Variants in VWA8 observed in about 807,000 individuals in gnomAD.
VWA8 encodes the protein von Willebrand factor A domain-containing protein 8.
In VWA8, 221 loss-of-function variants were observed where a neutral mutation model predicts 241.5. That is an observed-to-expected ratio of 0.91 (90% CI 0.82 to 1.02). VWA8 has a LOEUF of 1.02. Among genes scored for constraint, VWA8 ranks in the 50% least tolerant of loss-of-function variants. The pLI is 0.00. For missense variants in VWA8, 2,322 were observed against 2,328.7 expected, an observed-to-expected ratio of 1.00 and a Z score of 0.06; for synonymous variants, 852 against 827.1, an observed-to-expected ratio of 1.03 and a Z score of -0.52.
chr13:41,840,650 T>A (rs1020527359), intron 12 of VWA8, among the ~76,000 whole-genome samples: 1 of 151,732 alleles, frequency 6.6e-6, no homozygotes, highest in Non-Finnish European at 1.5e-5. Flanking sequence ...TCCCAGCTAC[T>A]TGGGGAGCTG....
rs186575162 is a variant in VWA8 at position 41,675,576 on chromosome 13, T to A, written c.4328-280A>T. Among the ~76,000 whole-genome samples the A allele has an allele frequency of 1.2e-3, 188 of 152,220 alleles. 1 individual carries two copies. The highest frequency in any genetic ancestry group is 4.1e-3 in the African/African-American group (171 of 41,518). ...AATGTTTTTGCATTTACAGTTTTTT[T>A]AAAAAATATTTCATCATCTGAACTG... On this transcript the variant is annotated intron_variant, in intron 35 of 44. Coordinates refer to ENST00000379310, the MANE Select transcript of VWA8 (RefSeq NM_015058.2).
At chr13:41,667,525 G>A (rs1362099086) in intron 37 of VWA8, among the ~76,000 whole-genome samples, 3 of 152,170 alleles carry the variant, frequency 2.0e-5, no homozygotes, top group Admixed American at 2.0e-4. Context: ...TTCAAAGGCT[G>A]CAGAGAGATC....
chr13:41,872,964 G>T (rs982150904), intron 9 of VWA8, among the ~76,000 whole-genome samples: 1 of 152,046 alleles, frequency 6.6e-6, no homozygotes, highest in South Asian at 2.1e-4. Flanking sequence ...CCATTTGTTT[G>T]TATCCTCTTT....
chr13:41,685,187 C>A lies in VWA8; in HGVS notation c.4187G>T (p.Gly1396Val), dbSNP rs780907908. Residue 1396 changes from glycine (G) to valine (V), a missense_variant, in exon 35 of 45, where the codon GGC becomes GTC. By Grantham distance (109) the Gly-to-Val change is moderately radical (BLOSUM62 -3). Coordinates refer to ENST00000379310, the MANE Select transcript of VWA8 (RefSeq NM_015058.2). ...TCCTCTATAGAATGATGTATCAGTG[C>A]CACTTCGTTTATGCAAAGATGATGG... Reference protein sequence around the residue: ...KRPSSLHKRSGTDTSFYRGKK... With the variant: ...KRPSSLHKRSVTDTSFYRGKK... 1 of 1,613,282 alleles carries A rather than the reference C, an allele frequency of 6.2e-7. No individual in the cohort carries two copies. Among genetic ancestry groups the A allele is most frequent in the Admixed American group, 1.7e-5 (1 of 59,834 alleles).
intron 12 of VWA8, among the ~76,000 whole-genome samples, chr13:41,850,078 A>T (rs1355076206): frequency 1.3e-5 from 2 of 152,122 alleles, no homozygotes. Flanking sequence ...AAGAATAGTA[A>T]AAGAAATACC....
At chr13:41,581,106 T>C (rs1243071585) in intron 42 of VWA8, among the ~76,000 whole-genome samples, 1 of 128,146 alleles carries the variant, frequency 7.8e-6, no homozygotes, top group Non-Finnish European at 1.5e-5. Flanking sequence ...GTTCACGCCA[T>C]TCTCCTGCCT....
intron 33 of VWA8, among the ~76,000 whole-genome samples, 191 bp from the exon 34 acceptor site, chr13:41,689,699 TTTCAAGTATTTACAGAA>T (rs1359534716): frequency 1.9e-4 from 29 of 152,236 alleles, no homozygotes; most frequent in African/African-American, 5.8e-4. Context: ...CCCAAAGTGA[TTTCAAGTATTTACAGAA>T]TTCAAAATTT....
chr13:41,945,784 T>C (rs886420255), intron 2 of VWA8, among the ~76,000 whole-genome samples: 2 of 151,840 alleles, frequency 1.3e-5, no homozygotes, highest in African/African-American at 4.8e-5. Context: ...TGGGGCACCA[T>C]CAAATCTATC....
chr13:41,903,761 T>C (rs1875570097), intron 4 of VWA8, among the ~76,000 whole-genome samples: 1 of 152,138 alleles, frequency 6.6e-6, no homozygotes, highest in East Asian at 1.9e-4. Context: ...GATCTGACGG[T>C]GGATGTAATG....
chr13:41,746,697 C>T (rs996933059), intron 21 of VWA8, among the ~76,000 whole-genome samples: 11 of 151,818 alleles, frequency 7.2e-5, no homozygotes, highest in Admixed American at 2.0e-4. Context: ...AATATTCCAG[C>T]GAAGTGAAAT....
chr13:41,813,475 C>T (rs1277851722), intron 16 of VWA8, among the ~76,000 whole-genome samples: 1 of 151,960 alleles, frequency 6.6e-6, no homozygotes, highest in Non-Finnish European at 1.5e-5. Flanking sequence ...TACCTAGGAC[C>T]ATGAAAAATT....
chr13:41,624,695 T>A (rs1397777509), intron 37 of VWA8, among the ~76,000 whole-genome samples: 4 of 152,196 alleles, frequency 2.6e-5, no homozygotes, highest in Non-Finnish European at 1.5e-5. Flanking sequence ...GAGCCATCTA[T>A]GACAAACCCA....
At chr13:41,649,668 T>A (rs1593673853) in intron 37 of VWA8, among the ~76,000 whole-genome samples, 1 of 149,958 alleles carries the variant, frequency 6.7e-6, no homozygotes, top group African/African-American at 2.5e-5. Context: ...TGCTGGGGGG[T>A]GAGGGGAGAA....
At chr13:41,766,028 C>T (rs533632210) in intron 20 of VWA8, among the ~76,000 whole-genome samples, 1 of 152,076 alleles carries the variant, frequency 6.6e-6, no homozygotes, top group Non-Finnish European at 1.5e-5. Flanking sequence ...CCTTTCACTA[C>T]CGGGTTAGGA....
chr13:41,905,250 C>T (rs1183257838), intron 4 of VWA8: 2 of 151,700 alleles, frequency 1.3e-5, no homozygotes, highest in African/African-American at 2.4e-5. Context: ...ACAAAGAAAA[C>T]ACAGCAGGGG....
intron 37 of VWA8, 109 bp downstream of exon 37, chr13:41,670,837 G>C: frequency 8.3e-7 from 1 of 1,210,812 alleles, no homozygotes; most frequent in Non-Finnish European, 1.2e-6. Context: ...AGTTCTTTAA[G>C]CAACTATTTT....
chr13:41,901,940 A>G (rs983981386), intron 4 of VWA8, among the ~76,000 whole-genome samples: 1 of 146,652 alleles, frequency 6.8e-6, no homozygotes, highest in Non-Finnish European at 1.5e-5. Context: ...TTGCATACAT[A>G]TATATGCAAA....
intron 21 of VWA8, among the ~76,000 whole-genome samples, chr13:41,743,867 A>G (rs1307121767): frequency 6.6e-6 from 1 of 152,186 alleles, no homozygotes; most frequent in African/African-American, 2.4e-5. Flanking sequence ...GAACTCAATA[A>G]AAGTTTGTTG....
intron 39 of VWA8, among the ~76,000 whole-genome samples, chr13:41,609,429 T>C (rs1389764085): frequency 2.0e-5 from 3 of 152,190 alleles, no homozygotes; most frequent in Non-Finnish European, 4.4e-5. Flanking sequence ...CTTGGAAATA[T>C]TGACAATGAA....
Sources: allele counts gnomAD v4.1 joint callset (sites outside exome capture counted in the v4.1 genomes callset), GRCh38; gene constraint gnomAD v4.1.1; transcripts MANE v1.5; gene names NCBI Gene and HGNC (gene_info 2026-07-23, HGNC 2026-07-21).